MYOM1: variants seen among roughly 807,000 people sequenced by gnomAD.
The protein encoded by MYOM1 is myomesin-1.
A neutral mutation model predicts 205.3 loss-of-function variants in MYOM1; 164 were observed. The observed-to-expected ratio is 0.80, with a 90% CI of 0.70 to 0.91. The LOEUF (loss-of-function observed/expected upper bound fraction) is 0.91, where lower values mean the gene tolerates loss of function less well. Ranked by LOEUF, MYOM1 falls within the 40% of genes least tolerant of loss-of-function variation. The pLI is 0.00. For synonymous variants in MYOM1, 772 were observed against 789.4 expected (o/e 0.98, Z 0.37); for missense variants, 2,011 against 2,127.3 (o/e 0.95, Z 1.08).
intron 5 of MYOM1, among the ~76,000 whole-genome samples, chr18:3,184,286 T>C (rs1437284210): frequency 6.6e-6 from 1 of 152,152 alleles, no homozygotes; most frequent in African/African-American, 2.4e-5. Flanking sequence ...TGGATTTAAC[T>C]TGAAGCAAAT....
At chr18:3,093,180 A>G (rs1383108501) in intron 26 of MYOM1, among the ~76,000 whole-genome samples, 1 of 152,186 alleles carries the variant, frequency 6.6e-6, no homozygotes, top group Non-Finnish European at 1.5e-5. Context: ...CCTCTCACTA[A>G]CAAGTCCTCA....
chr18:3,068,809 A>G (rs2078927534), intron 37 of MYOM1, among the ~76,000 whole-genome samples: 1 of 152,226 alleles, frequency 6.6e-6, no homozygotes, highest in Non-Finnish European at 1.5e-5. Context: ...TGATGCACTA[A>G]GTTGCTATGA....
chr18:3,074,292 G>T (rs1376410184), intron 36 of MYOM1, among the ~76,000 whole-genome samples: 1 of 152,162 alleles, frequency 6.6e-6, no homozygotes, highest in South Asian at 2.1e-4. Context: ...GCAGGAGGGG[G>T]AAAGTGGAGA....
chr18:3,137,116 A>G (rs935908087), intron 14 of MYOM1, among the ~76,000 whole-genome samples: 3 of 151,678 alleles, frequency 2.0e-5, no homozygotes, highest in Admixed American at 1.3e-4. Context: ...ACACCTGGCT[A>G]ATTTTTTGTA....
chr18:3,174,960 G>A (rs972478387), intron 6 of MYOM1, among the ~76,000 whole-genome samples: 1 of 152,052 alleles, frequency 6.6e-6, no homozygotes, highest in African/African-American at 2.4e-5. Flanking sequence ...AGAGGCTAAG[G>A]TTTCAAAGCA....
In MYOM1 at chr18:3,134,811, A is replaced by G. The variant is rs914872922; in HGVS notation, c.2223T>C (p.Ala741=). 1.2e-6 allele frequency: 2 copies of G among 1,613,826 alleles called. No individual in the cohort carries two copies. Among genetic ancestry groups the G allele is most frequent in the Non-Finnish European group, 1.7e-6 (2 of 1,179,874 alleles). ...VVGDKLDIPK[A]PGKIIPSRNT... is the part of the protein sequence containing the mutation. ...TTCTGCTTGGGATGATTTTGCCAGGAGCCTTGGGGATATCTGAGAAAGAGG... is the reference window on the plus strand; with the variant it reads ...TTCTGCTTGGGATGATTTTGCCAGGGGCCTTGGGGATATCTGAGAAAGAGG... Residue 741 remains alanine (A), a synonymous_variant, in exon 16 of 38, where the codon GCT becomes GCC. Coordinates refer to ENST00000356443, the MANE Select transcript of MYOM1 (RefSeq NM_003803.4).
At chr18:3,187,775 A>T in intron 4 of MYOM1, 138 bp from the exon 5 acceptor site, 1 of 683,688 alleles carries the variant, frequency 1.5e-6, no homozygotes, top group Non-Finnish European at 2.3e-6. Flanking sequence ...GAGAAAATGC[A>T]CTCCCTTCTC....
chr18:3,091,755 G>C (rs956704611), intron 26 of MYOM1, among the ~76,000 whole-genome samples: 1 of 130,886 alleles, frequency 7.6e-6, no homozygotes, highest in African/African-American at 2.7e-5. Flanking sequence ...ATTTAGAGAC[G>C]GATTCTTGTT....
In MYOM1 at chr18:3,176,117, G is replaced by A. The variant is rs2080636714; in HGVS notation, c.947C>T (p.Pro316Leu). Residue 316 changes from proline (P) to leucine (L), a missense_variant, in exon 6 of 38, where the codon CCA becomes CTA. By Grantham distance (98) the Pro-to-Leu change is moderately conservative. Transcript: ENST00000356443. ...PRVTWYKNQV[P>L]INVHANPGKY... ...TCCAGGGTTTGCATGGACATTTATT[G>A]GCACCTGGTTTTTATACCTATAACA... 5 of 1,607,454 alleles carry A rather than the reference G, an allele frequency of 3.1e-6. No homozygotes were observed. Among genetic ancestry groups the A allele is most frequent in the Non-Finnish European group, 3.4e-6 (4 of 1,174,154 alleles).
intron 5 of MYOM1, among the ~76,000 whole-genome samples, chr18:3,182,910 CTTCTTTTTTTT>C: frequency 8.7e-6 from 1 of 115,534 alleles, no homozygotes; most frequent in African/African-American, 3.2e-5. Flanking sequence ...ACTTTTCTTT[CTTCTTTTTTTT>C]TTTTTTTTTT....
chr18:3,136,158 G>A lies in MYOM1; in HGVS notation c.2026-428C>T, dbSNP rs186476776. On this transcript the variant is annotated intron_variant, in intron 14 of 37. Coordinates refer to ENST00000356443, the MANE Select transcript of MYOM1 (RefSeq NM_003803.4). ...TGCCACCGTGTAAGACGTGCCTTTC[G>A]CCTTCCACCATGATTGTGAGGCCTC... Among the ~76,000 whole-genome samples, 111 of 151,958 alleles carry A rather than the reference G, an allele frequency of 7.3e-4. 2 individuals are homozygous for A. The East Asian group carries it at 7.4e-3, about 10-fold the overall frequency.
rs551147486 is a variant in MYOM1 at position 3,149,348 on chromosome 18, A to T, written c.1844-147T>A. On this transcript the variant is annotated intron_variant, in intron 12 of 37. Transcript: ENST00000356443. ...TGTTTTCCCATGAATGGTATCAATC[A>T]TGTAGAGGGCACTGTGGGAAGCACA... 95 of 624,496 alleles carry T rather than the reference A, an allele frequency of 1.5e-4. 2 individuals are homozygous for T. The South Asian group carries it at 2.0e-3, about 13-fold the overall frequency. The allele number at this position is 624,496 out of a possible 1,614,324, so 38.7% of individuals were successfully genotyped here.
At chr18:3,241,693 A>C in the MYOM1 span, among the ~76,000 whole-genome samples, 88,757 of 152,058 alleles carry the variant, frequency 0.58, 27,222 homozygotes, top group East Asian at 0.77. Flanking sequence ...CCTCCAGACC[A>C]CAGAGTGATG....
At chr18:3,140,705 G>A (rs1315483696) in intron 14 of MYOM1, among the ~76,000 whole-genome samples, 1 of 152,104 alleles carries the variant, frequency 6.6e-6, no homozygotes, top group Non-Finnish European at 1.5e-5. Context: ...ATCAGGGAAG[G>A]TGACCTAATA....
At chr18:3,202,758 TA>T (rs2081083484) in intron 2 of MYOM1, among the ~76,000 whole-genome samples, 1 of 152,090 alleles carries the variant, frequency 6.6e-6, no homozygotes, top group Admixed American at 6.5e-5. Context: ...CAACTAGATT[TA>T]AAAAATCATC....
At chr18:3,118,814 A>G (rs1425240403) in intron 20 of MYOM1, among the ~76,000 whole-genome samples, 4 of 152,178 alleles carry the variant, frequency 2.6e-5, no homozygotes, top group Admixed American at 2.6e-4. Flanking sequence ...GCAAGGAAAG[A>G]GCAATGTGTT....
Position 3,214,973 on chromosome 18 carries a change from C to A in MYOM1, c.251G>T (p.Arg84Leu), listed in dbSNP as rs756788476. ...ATAATCGTAGGCTGAGGCTGCCTTC[C>A]GACTGACTTCAGAGCTCAGGGCGTG... is the stretch of plus-strand genomic sequence containing the variant. ...SQHALSSEVS[R>L]KAASAYDYGS... Residue 84 changes from arginine (R) to leucine (L), a missense_variant, in exon 2 of 38, where the codon CGG becomes CTG. By Grantham distance (102) the Arg-to-Leu change is moderately radical. Transcript: ENST00000356443. 6.2e-7 allele frequency: 1 copy of A among 1,608,898 alleles called. No homozygotes were observed. The highest frequency in any genetic ancestry group is 1.3e-5 in the African/African-American group (1 of 74,904).
chr18:3,198,978 T>A (rs1330241366), intron 2 of MYOM1, among the ~76,000 whole-genome samples: 1 of 152,010 alleles, frequency 6.6e-6, no homozygotes, highest in African/African-American at 2.4e-5. Flanking sequence ...TATAACACAT[T>A]GTCAAAAATA....
chr18:3,136,626 C>A (rs2079970170), intron 14 of MYOM1, among the ~76,000 whole-genome samples: 1 of 151,756 alleles, frequency 6.6e-6, no homozygotes, highest in African/African-American at 2.4e-5. Context: ...ACAAGGTTTC[C>A]CCATGTTGCC....
Sources: allele counts gnomAD v4.1 joint callset (sites outside exome capture counted in the v4.1 genomes callset), GRCh38; gene constraint gnomAD v4.1.1; transcripts MANE v1.5; gene names NCBI Gene and HGNC (gene_info 2026-07-23, HGNC 2026-07-21).